The following SLC26A4 variants were observed in gnomAD, a reference collection of about 807,000 sequenced individuals.
SLC26A4 encodes the protein pendrin.
A neutral mutation model predicts 90.4 loss-of-function variants in SLC26A4; 93 were observed. The ratio of observed to expected loss-of-function variants is 1.03; its 90% confidence interval spans 0.87 to 1.22. SLC26A4 has a LOEUF of 1.22. Among genes scored for constraint, SLC26A4 ranks in the 50% most tolerant of loss-of-function variants. The pLI, the probability that SLC26A4 is intolerant of heterozygous loss-of-function variation, is 0.00. For synonymous variants in SLC26A4, 393 were observed against 354.6 expected (o/e 1.11, Z -1.22); for missense variants, 1,127 against 946.2 (o/e 1.19, Z -2.51).
At position 107,661,401 on chromosome 7, in the gene SLC26A4, C is replaced by T; in HGVS notation, c.-3-238C>T. ...CGCTTCAAGTTTGGGGAACCCCGGG[C>T]AGCGGGTGCAGGCCACGAGACCCGA... On this transcript the variant is annotated intron_variant, in intron 1 of 20. Transcript: ENST00000644269. The surrounding 1 kb of genome is among the most constrained non-coding windows in gnomAD (Gnocchi z 5.1). The T allele has an allele frequency of 1.7e-6, 1 of 592,508 alleles. No individual in the cohort carries two copies. The highest frequency in any genetic ancestry group is 2.0e-5 in the South Asian group (1 of 50,388). The allele number at this position is 592,508 out of a possible 1,614,324, so 36.7% of individuals were successfully genotyped here.
At chr7:107,681,033 T>A (rs963187563) in intron 6 of SLC26A4, among the ~76,000 whole-genome samples, 2 of 152,196 alleles carry the variant, frequency 1.3e-5, no homozygotes, top group Admixed American at 6.5e-5. Context: ...CTGTGCTAAA[T>A]GCCCTAAGTT....
intron 6 of SLC26A4, among the ~76,000 whole-genome samples, chr7:107,681,447 A>G (rs535791351): frequency 1.3e-5 from 2 of 152,318 alleles, no homozygotes; most frequent in South Asian, 4.1e-4. Flanking sequence ...TTATCATTAT[A>G]ATTATTTTAA....
chr7:107,705,662 G>C (rs1792019850), intron 18 of SLC26A4, among the ~76,000 whole-genome samples: 1 of 152,138 alleles, frequency 6.6e-6, no homozygotes, highest in African/African-American at 2.4e-5. Flanking sequence ...AGCAGAAAGT[G>C]TAAGTTACCC....
At position 107,675,180 on chromosome 7, in the gene SLC26A4, T is replaced by A. The variant is rs1405748315; in HGVS notation, c.765+71T>A. On this transcript the variant is annotated intron_variant, in intron 6 of 20. Coordinates refer to ENST00000644269, the MANE Select transcript of SLC26A4 (RefSeq NM_000441.2). ...GAAACAATTGTATTCATTCTCTGAGTCTGGGCCAGGCGTGGTGGCTCACAC... is the reference window on the plus strand; with the variant it reads ...GAAACAATTGTATTCATTCTCTGAGACTGGGCCAGGCGTGGTGGCTCACAC... 2.7e-6 allele frequency: 4 copies of A among 1,503,882 alleles called. No homozygotes were observed. In the African/African-American group the frequency reaches 4.2e-5, roughly 16 times the overall value. 93.2% of individuals were successfully genotyped at this position (1,503,882 alleles called of 1,614,324 possible). A position where few individuals can be genotyped will look rare whatever the true frequency, so the allele number is the denominator to read the frequency against.
chr7:107,714,685 T>G (rs1246339519), intron 20 of SLC26A4, among the ~76,000 whole-genome samples: 1 of 152,130 alleles, frequency 6.6e-6, no homozygotes, highest in Non-Finnish European at 1.5e-5. Flanking sequence ...CACAATAGTT[T>G]CAAGGGCATG....
intron 17 of SLC26A4, among the ~76,000 whole-genome samples, chr7:107,702,829 TTTCTATTTG>T (rs1166605918): frequency 5.3e-5 from 8 of 152,316 alleles, no homozygotes; most frequent in African/African-American, 1.9e-4. Context: ...AAGTATTACA[TTTCTATTTG>T]TTATGTTAAC....
intron 6 of SLC26A4, among the ~76,000 whole-genome samples, chr7:107,681,356 T>A (rs1584315627): frequency 6.6e-6 from 1 of 152,246 alleles, no homozygotes; most frequent in Admixed American, 6.5e-5. Context: ...GAGCTGAGGT[T>A]GCTGGCAAAG....
intron 17 of SLC26A4, among the ~76,000 whole-genome samples, chr7:107,703,559 A>G (rs1376135167): frequency 2.0e-5 from 3 of 152,202 alleles, no homozygotes; most frequent in Non-Finnish European, 4.4e-5. Flanking sequence ...GCTGAGATCC[A>G]TTGTAGACTA....
At chr7:107,708,681 C>A (rs1325015123) in intron 18 of SLC26A4, among the ~76,000 whole-genome samples, 2 of 151,944 alleles carry the variant, frequency 1.3e-5, no homozygotes, top group Non-Finnish European at 2.9e-5. Flanking sequence ...TGGTGAGACC[C>A]CGTCTCTATT....
chr7:107,689,554 C>T (rs989577333), intron 9 of SLC26A4, among the ~76,000 whole-genome samples: 1 of 152,082 alleles, frequency 6.6e-6, no homozygotes, highest in African/African-American at 2.4e-5. Flanking sequence ...CAAAACAGTG[C>T]AACAAACATT....
chr7:107,690,559 C>A (rs1791539755), intron 10 of SLC26A4, among the ~76,000 whole-genome samples: 1 of 152,078 alleles, frequency 6.6e-6, no homozygotes, highest in Admixed American at 6.6e-5. Flanking sequence ...AATTTGTTAC[C>A]TGGGGAGACA....
intron 3 of SLC26A4, among the ~76,000 whole-genome samples, chr7:107,665,308 AAGG>A (rs1369055649): frequency 6.6e-6 from 1 of 152,166 alleles, no homozygotes; most frequent in Non-Finnish European, 1.5e-5. Flanking sequence ...GCCCGAAGAG[AAGG>A]AGGATGGCCT....
At chr7:107,698,182 G>A (rs925461395) in intron 14 of SLC26A4, 71 bp downstream of exon 14, 28 of 966,490 alleles carry the variant, frequency 2.9e-5, no homozygotes, top group Non-Finnish European at 4.4e-5. Flanking sequence ...TCCATTTTAC[G>A]TACAAGGTAG....
chr7:107,661,783 G>C lies in SLC26A4; in HGVS notation c.142G>C (p.Glu48Gln). 1 of 1,539,760 alleles carries C rather than the reference G, an allele frequency of 6.5e-7. No homozygotes were observed. Among genetic ancestry groups the C allele is most frequent in the Non-Finnish European group, 8.7e-7 (1 of 1,147,200 alleles). ...RRLQERKTLR[E>Q]SLAKCCSCSR... Reference sequence around the variant, plus strand: ...CCTGCAGGAGCGCAAGACGCTGCGGGAGAGCCTGGCCAAGTGCTGCAGGTA... The same window carrying C: ...CCTGCAGGAGCGCAAGACGCTGCGGCAGAGCCTGGCCAAGTGCTGCAGGTA... Residue 48 changes from glutamate (E) to glutamine (Q), a missense_variant, in exon 2 of 21, where the codon GAG becomes CAG. Physicochemically the swap from Glu to Gln is conservative, Grantham distance 29 (BLOSUM62 2). Transcript: ENST00000644269. This position sits in a 1 kb window ranked among gnomAD's most constrained non-coding sequence, Gnocchi z 5.1.
At chr7:107,701,598 GT>G (rs2129318193) in intron 16 of SLC26A4, among the ~76,000 whole-genome samples, 1 of 152,254 alleles carries the variant, frequency 6.6e-6, no homozygotes, top group South Asian at 2.1e-4. Flanking sequence ...TCTTGGCAAA[GT>G]TCCACAATCA....
intron 6 of SLC26A4, among the ~76,000 whole-genome samples, chr7:107,680,432 A>ATCTTATCTTATT (rs1791200645): frequency 7.0e-6 from 1 of 143,322 alleles, no homozygotes; most frequent in African/African-American, 2.6e-5. Flanking sequence ...TTATTATATA[A>ATCTTATCTTATT]GTATAATCTT....
At chr7:107,712,147 G>A (rs1283027547) in intron 19 of SLC26A4, among the ~76,000 whole-genome samples, 1 of 152,014 alleles carries the variant, frequency 6.6e-6, no homozygotes. Flanking sequence ...GCTGTTTTTT[G>A]TCATCAGTGA....
chr7:107,705,797 C>G (rs973567574), intron 18 of SLC26A4, among the ~76,000 whole-genome samples: 1 of 152,224 alleles, frequency 6.6e-6, no homozygotes, highest in Non-Finnish European at 1.5e-5. Flanking sequence ...TTCTGACAGT[C>G]TTGGAGCTGT....
chr7:107,701,697 C>T lies in SLC26A4; in HGVS notation c.1804-130C>T, dbSNP rs114455341. ...AGTTTGGGCTGAGGTGAAACCCATC[C>T]TTAAAAATTCATCTCCTTGATGTCT... On this transcript the variant is annotated intron_variant, in intron 16 of 20. Transcript: ENST00000644269. The T allele has an allele frequency of 1.5e-3, 1,059 of 711,792 alleles. 2 individuals carry two copies. The African/African-American group carries it at 0.017, about 12-fold the overall frequency. 44.1% of individuals were successfully genotyped at this position (711,792 alleles called of 1,614,324 possible). A position where few individuals can be genotyped will look rare whatever the true frequency, so the allele number is the denominator to read the frequency against.
Sources: gnomAD v4.1 joint callset for allele counts (sites outside exome capture counted in the v4.1 genomes callset) on GRCh38, gnomAD v4.1.1 for gene constraint, Gnocchi (gnomAD v3.1) non-coding constraint, MANE v1.5 for transcripts, NCBI Gene and HGNC (gene_info 2026-07-23, HGNC 2026-07-21) for gene names.